Variants in KIF26B observed in about 807,000 individuals in gnomAD.
The protein encoded by KIF26B is kinesin-like protein KIF26B.
In KIF26B, 63 loss-of-function variants were observed where a neutral mutation model predicts 151.2. The ratio of observed to expected loss-of-function variants is 0.42; its 90% confidence interval spans 0.34 to 0.51. KIF26B has a LOEUF of 0.51. KIF26B is among the 20% of genes least tolerant of loss of function. The probability of loss-of-function intolerance (pLI) is 0.07; values close to 1 mark genes in which losing one functional copy is unlikely to be tolerated. For synonymous variants in KIF26B, 1,357 were observed against 1,262.1 expected, an observed-to-expected ratio of 1.08 and a Z score of -1.59; for missense variants, 2,813 against 2,913.6, an observed-to-expected ratio of 0.97 and a Z score of 0.79.
chr1:245,311,597 G>C (rs1208564473), intron 2 of KIF26B, among the ~76,000 whole-genome samples: 1 of 151,738 alleles, frequency 6.6e-6, no homozygotes, highest in African/African-American at 2.4e-5. Flanking sequence ...GTGAGACCCT[G>C]TCTCTAAAAT....
At chr1:245,295,042 GTC>G (rs1195680392) in intron 2 of KIF26B, among the ~76,000 whole-genome samples, 1 of 152,068 alleles carries the variant, frequency 6.6e-6, no homozygotes, top group East Asian at 1.9e-4. Context: ...GTACATCCTA[GTC>G]TCTTTCAACT....
intron 4 of KIF26B, among the ~76,000 whole-genome samples, chr1:245,524,914 CTT>C (rs966440446): frequency 1.3e-5 from 2 of 152,170 alleles, no homozygotes; most frequent in African/African-American, 4.8e-5. Flanking sequence ...CCAAGGGACA[CTT>C]TGCATTCTCT....
intron 2 of KIF26B, among the ~76,000 whole-genome samples, chr1:245,355,488 T>G (rs911067835): frequency 6.6e-6 from 1 of 151,168 alleles, no homozygotes; most frequent in Non-Finnish European, 1.5e-5. Context: ...CCCAGCTATT[T>G]GGAAGCCTGA....
intron 4 of KIF26B, among the ~76,000 whole-genome samples, chr1:245,434,625 C>T (rs538304247): frequency 1.3e-5 from 2 of 152,262 alleles, no homozygotes; most frequent in African/African-American, 2.4e-5. Flanking sequence ...GTGGGAGCCC[C>T]CTGCACCCAC....
At chr1:245,288,605 G>A (rs758825858) in intron 2 of KIF26B, among the ~76,000 whole-genome samples, 1 of 152,172 alleles carries the variant, frequency 6.6e-6, no homozygotes, top group Non-Finnish European at 1.5e-5. Flanking sequence ...TAGGACTCCC[G>A]GAGAGACAGC....
At chr1:245,405,887 A>T (rs536296881) in intron 3 of KIF26B, among the ~76,000 whole-genome samples, 1 of 152,344 alleles carries the variant, frequency 6.6e-6, no homozygotes, top group South Asian at 2.1e-4. Flanking sequence ...GAACCATGTA[A>T]GCCATTGCAT....
Position 245,326,511 on chromosome 1 carries a change from A to G in KIF26B, c.466-40323A>G, listed in dbSNP as rs146804908. 4.3e-4 allele frequency among the ~76,000 whole-genome samples: 66 copies of G among 152,298 alleles called. 1 individual carries two copies. The highest frequency in any genetic ancestry group is 3.4e-3 in the Middle Eastern group (1 of 294). ...AAGTTTACCCCAGGACCGCCAGGCA[A>G]AGGTTCCGGACCACTGTTTGTTTTC... is the stretch of plus-strand genomic sequence containing the variant. On this transcript the variant is annotated intron_variant, in intron 2 of 14. Transcript: ENST00000407071.
intron 4 of KIF26B, among the ~76,000 whole-genome samples, chr1:245,457,520 T>G (rs915151831): frequency 3.3e-5 from 5 of 152,238 alleles, no homozygotes; most frequent in African/African-American, 1.2e-4. Context: ...ACTTTTTTCC[T>G]GCTGTTTTTA....
chr1:245,587,768 CT>C (rs1307509336), intron 5 of KIF26B, among the ~76,000 whole-genome samples: 1 of 152,036 alleles, frequency 6.6e-6, no homozygotes, highest in Non-Finnish European at 1.5e-5. Flanking sequence ...GTAGTGGGGA[CT>C]GTTCTACAGA....
intron 9 of KIF26B, among the ~76,000 whole-genome samples, chr1:245,619,342 T>C (rs969403132): frequency 2.6e-5 from 4 of 152,188 alleles, no homozygotes; most frequent in Non-Finnish European, 4.4e-5. Flanking sequence ...TGTGCTGTGG[T>C]TTTAAAAATG....
Position 245,698,489 on chromosome 1 carries a change from G to A in KIF26B, c.6027+181G>A, listed in dbSNP as rs991521314. Among the ~76,000 whole-genome samples, 1 of 152,176 alleles carries A rather than the reference G, an allele frequency of 6.6e-6. No individual in the cohort carries two copies. The highest frequency in any genetic ancestry group is 2.4e-5 in the African/African-American group (1 of 41,446). On this transcript the variant is annotated intron_variant, in intron 13 of 14. Transcript: ENST00000407071. The surrounding 1 kb of genome is among the most constrained non-coding windows in gnomAD (Gnocchi z 4.0). ...AAAGGGCCTTTGGACAGAGGCCTTG[G>A]AGAGAGCCCCATGTTTCTCTTCCTG...
At chr1:245,169,564 G>C (rs897196478) in intron 2 of KIF26B, among the ~76,000 whole-genome samples, 1 of 151,444 alleles carries the variant, frequency 6.6e-6, no homozygotes, top group South Asian at 2.1e-4. Context: ...CAGAGGAAGC[G>C]GTTGGCAGCT....
chr1:245,435,633 A>G (rs911351283), intron 4 of KIF26B, among the ~76,000 whole-genome samples: 1 of 152,162 alleles, frequency 6.6e-6, no homozygotes, highest in Non-Finnish European at 1.5e-5. Flanking sequence ...TCTGCTGTGG[A>G]AAGTTTGTCA....
At chr1:245,408,513 C>A (rs1674194809) in intron 3 of KIF26B, among the ~76,000 whole-genome samples, 1 of 151,984 alleles carries the variant, frequency 6.6e-6, no homozygotes, top group Non-Finnish European at 1.5e-5. Context: ...CGCCACCATG[C>A]CTGGCTAATT....
chr1:245,288,883 G>A (rs1177557831), intron 2 of KIF26B, among the ~76,000 whole-genome samples: 1 of 151,984 alleles, frequency 6.6e-6, no homozygotes, highest in East Asian at 1.9e-4. Flanking sequence ...GTTCAAGGAA[G>A]GGAGTTTTTA....
intron 9 of KIF26B, among the ~76,000 whole-genome samples, chr1:245,620,168 G>C (rs2043642318): frequency 6.6e-6 from 1 of 151,946 alleles, no homozygotes; most frequent in Non-Finnish European, 1.5e-5. Context: ...TTTATTCATT[G>C]ATCTTACGAA....
At chr1:245,345,313 A>T (rs1045960048) in intron 2 of KIF26B, among the ~76,000 whole-genome samples, 1 of 152,068 alleles carries the variant, frequency 6.6e-6, no homozygotes, top group African/African-American at 2.4e-5. Flanking sequence ...TCCTTCTGCG[A>T]CTTCACAGCC....
rs1250905334 is a variant in KIF26B at position 245,488,261 on chromosome 1, A to G, written c.1167-52506A>G. On this transcript the variant is annotated intron_variant, in intron 4 of 14. Transcript: ENST00000407071. This position sits in a 1 kb window ranked among gnomAD's most constrained non-coding sequence, Gnocchi z 4.6. ...CTGGTACACTGTCTTCATTGCTTTG[A>G]TAGCAACTTTTAGGCTCCCTTAGCT... Among the ~76,000 whole-genome samples, 3 of 152,042 alleles carry G rather than the reference A, an allele frequency of 2.0e-5. No homozygotes were observed. The highest frequency in any genetic ancestry group is 2.0e-4 in the Admixed American group (3 of 15,276).
Position 245,602,704 on chromosome 1 carries a change from A to G in KIF26B, c.1478A>G (p.Asn493Ser). The change falls in exon 6 of 15, where the codon AAT (asparagine) becomes AGT (serine). Residue 493 changes from asparagine (N) to serine (S), a missense_variant. By Grantham distance (46) the Asn-to-Ser change is conservative (BLOSUM62 1). This residue lies in a region of KIF26B where 676 missense variants were observed against 688.1 expected (regional missense o/e 0.98). Coordinates refer to ENST00000407071, the MANE Select transcript of KIF26B (RefSeq NM_018012.4). The surrounding 1 kb of genome is among the most constrained non-coding windows in gnomAD (Gnocchi z 4.5). Reference protein sequence around the residue: ...LYDPLTCGGQNAFQKRGNQVP... With the variant: ...LYDPLTCGGQSAFQKRGNQVP... ...GATCCCCTGACTTGTGGAGGTCAAA[A>G]TGCCTTCCAAAAGAGAGGCAACCAG... 1 of 1,614,022 alleles carries G rather than the reference A, an allele frequency of 6.2e-7. No homozygotes were observed. The highest frequency in any genetic ancestry group is 8.5e-7 in the Non-Finnish European group (1 of 1,179,874).
Sources: gnomAD v4.1 joint callset for allele counts (sites outside exome capture counted in the v4.1 genomes callset) on GRCh38, gnomAD v4.1.1 for gene constraint, gnomAD v4.1.1 regional missense constraint, Gnocchi (gnomAD v3.1) non-coding constraint, MANE v1.5 for transcripts, NCBI Gene and HGNC (gene_info 2026-07-23, HGNC 2026-07-21) for gene names.